UST: variants seen among roughly 807,000 people sequenced by gnomAD.
UST encodes chondroitin sulfate 2-O-sulfotransferase.
In UST, 21 loss-of-function variants were observed where a neutral mutation model predicts 45.6. That is an observed-to-expected ratio of 0.46 (90% CI 0.33 to 0.66). The LOEUF (loss-of-function observed/expected upper bound fraction) is 0.66, where lower values mean the gene tolerates loss of function less well. Ranked by LOEUF, UST falls within the 30% of genes least tolerant of loss-of-function variation. UST has a pLI of 0.02. For synonymous variants in UST, 215 were observed against 200.6 expected (o/e 1.07, Z -0.61); for missense variants, 463 against 512.4 (o/e 0.90, Z 0.93).
At chr6:148,896,378 G>GC (rs1348478892) in intron 2 of UST, among the ~76,000 whole-genome samples, 1 of 146,622 alleles carries the variant, frequency 6.8e-6, no homozygotes, top group Non-Finnish European at 1.5e-5. Context: ...ACAAAATTGT[G>GC]TTGTGTGCAG....
Position 148,871,117 on chromosome 6 carries a change from C to CCTCTCTCTCTCTCTCTCTCTCT in UST, c.248-15861_248-15840dup, listed in dbSNP as rs749134391. On this transcript the variant is annotated intron_variant, in intron 1 of 7. Coordinates refer to ENST00000367463, the MANE Select transcript of UST (RefSeq NM_005715.3). ...GAAGGAGACAGCCAAGCATTCTCTC[C>CCTCTCTCTCTCTCTCTCTCTCT]CTCTCTCTCTCTCTCTCTCTCTCTC... 9.9e-3 allele frequency among the ~76,000 whole-genome samples: 963 copies of CCTCTCTCTCTCTCTCTCTCTCT among 97,486 alleles called. 110 individuals carry two copies. The highest frequency in any genetic ancestry group is 0.024 in the African/African-American group (530 of 21,648). The allele number at this position is 97,486 out of a possible 152,430, so 64.0% of individuals were successfully genotyped here.
At chr6:148,791,893 C>T (rs1460799392) in intron 1 of UST, among the ~76,000 whole-genome samples, 2 of 152,144 alleles carry the variant, frequency 1.3e-5, no homozygotes, top group African/African-American at 2.4e-5. Flanking sequence ...AGGACCAACG[C>T]GTCAATCACA....
intron 1 of UST, among the ~76,000 whole-genome samples, chr6:148,768,737 G>A (rs1776365367): frequency 6.6e-6 from 1 of 152,178 alleles, no homozygotes; most frequent in Non-Finnish European, 1.5e-5. Flanking sequence ...AAAATGAATT[G>A]ATTTGAGTTG....
chr6:148,931,203 A>G (rs1318457731), intron 2 of UST, among the ~76,000 whole-genome samples: 3 of 152,262 alleles, frequency 2.0e-5, no homozygotes. Context: ...TCAATAATCA[A>G]TACTTCTCCT....
At chr6:148,773,501 A>G (rs1017077114) in intron 1 of UST, among the ~76,000 whole-genome samples, 1 of 152,150 alleles carries the variant, frequency 6.6e-6, no homozygotes, top group African/African-American at 2.4e-5. Flanking sequence ...GTTTGGAATT[A>G]TATGACATGT....
chr6:149,037,016 C>T (rs1215668055), intron 7 of UST, among the ~76,000 whole-genome samples: 2 of 152,096 alleles, frequency 1.3e-5, no homozygotes, highest in African/African-American at 2.4e-5. Context: ...AGGACATCTT[C>T]GTTTCCTGTG....
At chr6:148,829,159 ATGG>A (rs1777634066) in intron 1 of UST, among the ~76,000 whole-genome samples, 2 of 151,882 alleles carry the variant, frequency 1.3e-5, no homozygotes, top group East Asian at 3.9e-4. Flanking sequence ...GGATGGATGG[ATGG>A]ATGGATGGAT....
chr6:149,075,121 C>A lies in UST; in HGVS notation c.*1005C>A, dbSNP rs1298854649. 1 of 152,160 alleles carries A rather than the reference C, an allele frequency of 6.6e-6. No homozygotes were observed. Among genetic ancestry groups the A allele is most frequent in the East Asian group, 1.9e-4 (1 of 5,172 alleles). The allele number at this position is 152,160 out of a possible 1,614,324, so 9.4% of individuals were successfully genotyped here. A position where few individuals can be genotyped will look rare whatever the true frequency, so the allele number is the denominator to read the frequency against. On this transcript the variant is annotated 3_prime_UTR_variant, in exon 8 of 8. Coordinates refer to ENST00000367463, the MANE Select transcript of UST (RefSeq NM_005715.3). ...TGCACCCAATATGAAACATCTTCTC[C>A]CAACACTGCTTTAATGGAAGTTCTA...
intron 7 of UST, among the ~76,000 whole-genome samples, chr6:149,050,605 G>C (rs1179737868): frequency 6.6e-6 from 1 of 152,162 alleles, no homozygotes; most frequent in African/African-American, 2.4e-5. Flanking sequence ...ATTGAGGAGT[G>C]AAGTTTAGGC....
At chr6:148,947,951 G>A (rs1780282630) in intron 3 of UST, among the ~76,000 whole-genome samples, 1 of 151,840 alleles carries the variant, frequency 6.6e-6, no homozygotes, top group Non-Finnish European at 1.5e-5. Flanking sequence ...CAAGGAAGAA[G>A]CAGCAAGGCC....
chr6:148,979,960 G>A (rs1298818358), intron 5 of UST, among the ~76,000 whole-genome samples: 5 of 152,112 alleles, frequency 3.3e-5, no homozygotes, highest in African/African-American at 2.4e-5. Flanking sequence ...AGGTGTTAAA[G>A]CTCGAGTAAC....
chr6:148,887,101 G>A (rs1778926437), intron 2 of UST, 72 bp downstream of exon 2: 1 of 1,162,392 alleles, frequency 8.6e-7, no homozygotes, highest in Non-Finnish European at 1.3e-6. Flanking sequence ...AAGCAGAACA[G>A]ATCTCTCCTG....
chr6:148,762,574 G>C (rs879179210), intron 1 of UST, among the ~76,000 whole-genome samples: 2 of 150,466 alleles, frequency 1.3e-5, no homozygotes, highest in Non-Finnish European at 3.0e-5. Context: ...GAGTATAAGT[G>C]CATGCTTTTT....
intron 7 of UST, among the ~76,000 whole-genome samples, chr6:149,033,646 G>T (rs1313480355): frequency 2.6e-5 from 4 of 152,148 alleles, no homozygotes; most frequent in Non-Finnish European, 4.4e-5. Flanking sequence ...AGGGTTGTTT[G>T]TCAGGTGGGG....
intron 1 of UST, among the ~76,000 whole-genome samples, chr6:148,818,843 A>G (rs1467665138): frequency 6.6e-6 from 1 of 152,210 alleles, no homozygotes; most frequent in Non-Finnish European, 1.5e-5. Context: ...TCATACACAG[A>G]GGATTATCTT....
intron 5 of UST, among the ~76,000 whole-genome samples, chr6:149,004,873 G>C (rs1781617978): frequency 6.6e-6 from 1 of 152,136 alleles, no homozygotes; most frequent in African/African-American, 2.4e-5. Context: ...TCACTCTGTT[G>C]CCCAGGCCGG....
In UST at chr6:148,870,104, T is replaced by TCACACACACACACA. The variant is rs60229120; in HGVS notation, c.248-16857_248-16844dup. Among the ~76,000 whole-genome samples the TCACACACACACACA allele has an allele frequency of 7.2e-3, 1,013 of 141,520 alleles. 14 individuals carry two copies. The highest frequency in any genetic ancestry group is 0.014 in the African/African-American group (525 of 37,266). 92.8% of individuals were successfully genotyped at this position (141,520 alleles called of 152,430 possible). A position where few individuals can be genotyped will look rare whatever the true frequency, so the allele number is the denominator to read the frequency against. ...CCCCCAGCTTCACAGTGGTAATGTTTCACACACACACACACACACACACAC... is the reference window on the plus strand; with the variant it reads ...CCCCCAGCTTCACAGTGGTAATGTTTCACACACACACACACACACACACACACACACACACACAC... On this transcript the variant is annotated intron_variant, in intron 1 of 7. Transcript: ENST00000367463.
intron 4 of UST, chr6:148,958,917 C>T (rs1780584944): frequency 6.6e-6 from 1 of 152,220 alleles, no homozygotes; most frequent in African/African-American, 2.4e-5. Context: ...TAATTTCAAA[C>T]CACCACTTCC....
chr6:149,021,738 C>T (rs1421621269), intron 7 of UST, among the ~76,000 whole-genome samples: 1 of 152,214 alleles, frequency 6.6e-6, no homozygotes, highest in Non-Finnish European at 1.5e-5. Context: ...CTGAAATTGG[C>T]AACATTCTCC....
Sources: allele counts gnomAD v4.1 joint callset (sites outside exome capture counted in the v4.1 genomes callset), GRCh38; gene constraint gnomAD v4.1.1; transcripts MANE v1.5; gene names NCBI Gene and HGNC (gene_info 2026-07-23, HGNC 2026-07-21).